The following KIRREL1 variants were observed in gnomAD, a reference collection of about 807,000 sequenced individuals.
KIRREL1 encodes kin of IRRE-like protein 1.
A neutral mutation model predicts 83.3 loss-of-function variants in KIRREL1; 25 were observed. That is an observed-to-expected ratio of 0.30 (90% CI 0.22 to 0.42). The LOEUF is 0.42. KIRREL1 is among the 10% of genes least tolerant of loss of function. The pLI, the probability that KIRREL1 is intolerant of heterozygous loss-of-function variation, is 1.00. For missense variants in KIRREL1, 812 were observed against 1,032.3 expected (o/e 0.79, Z 2.92); for synonymous variants, 388 against 410.4 (o/e 0.95, Z 0.66).
In KIRREL1 at chr1:158,051,385, A is replaced by G. The variant is rs542684974; in HGVS notation, c.53-24728A>G. Among the ~76,000 whole-genome samples the G allele has an allele frequency of 4.6e-5, 7 of 152,338 alleles. No homozygotes were observed. The East Asian group carries it at 1.2e-3, about 25-fold the overall frequency. On this transcript the variant is annotated intron_variant, in intron 1 of 14. Transcript: ENST00000359209. ...GATCAGTTATTCTTATTAGTGGTTC[A>G]TGGTCACACAATGAACACCTATAGA...
intron 1 of KIRREL1, among the ~76,000 whole-genome samples, chr1:158,024,741 G>A (rs1249874444): frequency 1.3e-5 from 2 of 152,184 alleles, no homozygotes; most frequent in Non-Finnish European, 2.9e-5. Context: ...AAAGGGGATC[G>A]TGGTGTTTTC....
Position 158,091,426 on chromosome 1 carries a change from C to T in KIRREL1, c.1341C>T (p.Asn447=), listed in dbSNP as rs755196479. The T allele has an allele frequency of 6.2e-7, 1 of 1,614,210 alleles. No individual in the cohort carries two copies. The highest frequency in any genetic ancestry group is 1.1e-5 in the South Asian group (1 of 91,080). ...TLERYTVERT[N]SGSGVLSTLT... ...AACGCTATACAGTGGAGAGGACCAACTCAGGCAGTGGGGTGCTATCCACGC... is the reference window on the plus strand; with the variant it reads ...AACGCTATACAGTGGAGAGGACCAATTCAGGCAGTGGGGTGCTATCCACGC... Residue 447 remains asparagine, a synonymous_variant, in exon 11 of 15, where the codon AAC becomes AAT. Transcript: ENST00000359209.
At chr1:158,028,617 C>T (rs1275265036) in intron 1 of KIRREL1, among the ~76,000 whole-genome samples, 4 of 152,182 alleles carry the variant, frequency 2.6e-5, no homozygotes, top group African/African-American at 4.8e-5. Flanking sequence ...TGGGATGCTT[C>T]CACATCTTAG....
At chr1:158,053,935 G>A (rs368497256) in intron 1 of KIRREL1, among the ~76,000 whole-genome samples, 20 of 152,230 alleles carry the variant, frequency 1.3e-4, no homozygotes, top group South Asian at 1.0e-3. Context: ...GGGATGGGCC[G>A]TGTGCAGTGG....
intron 1 of KIRREL1, among the ~76,000 whole-genome samples, chr1:158,057,643 C>T (rs1435307573): frequency 1.3e-5 from 2 of 152,074 alleles, no homozygotes; most frequent in Middle Eastern, 3.2e-3. Context: ...TTGGGGTCGC[C>T]CCAGGTTTCC....
In KIRREL1 at chr1:158,088,155, G is replaced by T; in HGVS notation, c.916+1G>T. Reference sequence around the variant, plus strand: ...GTCAGCACTTTAGTAAATGTCCACTGTGAGTAGCTGGGAGGGCAGGGACGG... The same window carrying T: ...GTCAGCACTTTAGTAAATGTCCACTTTGAGTAGCTGGGAGGGCAGGGACGG... On this transcript the variant is annotated splice_donor_variant, in intron 7 of 14. Coordinates refer to ENST00000359209, the MANE Select transcript of KIRREL1 (RefSeq NM_018240.7). LOFTEE classifies it high-confidence loss of function. The T allele has an allele frequency of 6.2e-7, 1 of 1,614,250 alleles. No individual in the cohort carries two copies. Among genetic ancestry groups the T allele is most frequent in the Non-Finnish European group, 8.5e-7 (1 of 1,180,052 alleles).
At chr1:158,093,271 C>A in intron 11 of KIRREL1, 68 bp from the exon 12 acceptor site, 2 of 1,346,580 alleles carry the variant, frequency 1.5e-6, no homozygotes, top group South Asian at 1.2e-5. Context: ...TAGCCTTTAG[C>A]CAGCACTGAG....
intron 10 of KIRREL1, among the ~76,000 whole-genome samples, chr1:158,090,516 AG>A (rs1421391195): frequency 6.6e-6 from 1 of 152,208 alleles, no homozygotes; most frequent in East Asian, 1.9e-4. Flanking sequence ...CCCGGGCAGC[AG>A]GCGGCTGGCC....
At chr1:158,018,534 T>C (rs1190720576) in intron 1 of KIRREL1, among the ~76,000 whole-genome samples, 2 of 152,280 alleles carry the variant, frequency 1.3e-5, no homozygotes, top group Non-Finnish European at 2.9e-5. Flanking sequence ...AAGGTTCTAA[T>C]TGGTCAGCTG....
intron 1 of KIRREL1, among the ~76,000 whole-genome samples, chr1:158,033,486 G>T (rs1660384273): frequency 6.6e-6 from 1 of 152,180 alleles, no homozygotes; most frequent in South Asian, 2.1e-4. Flanking sequence ...TTGCAGTTCT[G>T]GGCTGGATGG....
At chr1:158,027,204 G>T (rs1660198430) in intron 1 of KIRREL1, among the ~76,000 whole-genome samples, 1 of 152,180 alleles carries the variant, frequency 6.6e-6, no homozygotes, top group East Asian at 1.9e-4. Context: ...GGCTCAAAGA[G>T]GTAGGAAACA....
chr1:158,098,243 A>T lies in KIRREL1; in HGVS notation c.*3123A>T, dbSNP rs1662403336. 1 of 152,192 alleles carries T rather than the reference A, an allele frequency of 6.6e-6. No homozygotes were observed. Among genetic ancestry groups the T allele is most frequent in the Non-Finnish European group, 1.5e-5 (1 of 68,052 alleles). 9.4% of individuals were successfully genotyped at this position (152,192 alleles called of 1,614,324 possible). A position where few individuals can be genotyped will look rare whatever the true frequency, so the allele number is the denominator to read the frequency against. ...TATCGGGTCATCTGTGCTGCTCCCC[A>T]CTCATTTCTGATGGGTTTGCAAAGG... On this transcript the variant is annotated 3_prime_UTR_variant, in exon 15 of 15. Coordinates refer to ENST00000359209, the MANE Select transcript of KIRREL1 (RefSeq NM_018240.7).
At chr1:158,036,569 G>A (rs1660481492) in intron 1 of KIRREL1, among the ~76,000 whole-genome samples, 1 of 152,150 alleles carries the variant, frequency 6.6e-6, no homozygotes, top group African/African-American at 2.4e-5. Context: ...AAGGAGAGCG[G>A]CAAGGTTCAC....
At chr1:158,018,224 T>C (rs938629147) in intron 1 of KIRREL1, among the ~76,000 whole-genome samples, 3 of 151,804 alleles carry the variant, frequency 2.0e-5, no homozygotes, top group African/African-American at 7.3e-5. Flanking sequence ...TTGTCAGGAG[T>C]TAGGGTGACT....
At chr1:158,069,519 G>C (rs543072745) in intron 1 of KIRREL1, among the ~76,000 whole-genome samples, 2 of 152,286 alleles carry the variant, frequency 1.3e-5, no homozygotes, top group South Asian at 4.2e-4. Context: ...ATGGAGCAGG[G>C]AGCTGGAGAA....
intron 1 of KIRREL1, among the ~76,000 whole-genome samples, chr1:158,026,944 G>A (rs1660189582): frequency 6.6e-6 from 1 of 152,150 alleles, no homozygotes; most frequent in Non-Finnish European, 1.5e-5. Flanking sequence ...CTTCCAGCAA[G>A]CAATCAGTCT....
chr1:158,013,177 T>C (rs538297188), intron 1 of KIRREL1, among the ~76,000 whole-genome samples: 1 of 152,252 alleles, frequency 6.6e-6, no homozygotes, highest in South Asian at 2.1e-4. Context: ...CCATAAAATT[T>C]AGAGAGAGAG....
rs923995060 is a variant in KIRREL1, at chr1:158,035,204, C to T, written c.53-40909C>T. 3.9e-5 allele frequency among the ~76,000 whole-genome samples: 6 copies of T among 152,306 alleles called. No homozygotes were observed. The East Asian group carries it at 5.8e-4, about 15-fold the overall frequency. ...TTTTAAGAGATCAATTACTTACCAT[C>T]CGTCAGTTTCTTTTATCTTTTGGAA... is the stretch of plus-strand genomic sequence containing the variant. On this transcript the variant is annotated intron_variant, in intron 1 of 14. Transcript: ENST00000359209.
Position 158,094,795 on chromosome 1 carries a change from T to G in KIRREL1, c.1949T>G (p.Leu650Arg). The G allele has an allele frequency of 6.2e-7, 1 of 1,613,948 alleles. No homozygotes were observed. Among genetic ancestry groups the G allele is most frequent in the East Asian group, 2.2e-5 (1 of 44,862 alleles). Reference protein sequence around the residue: ...RLSHSSGYAQLNTYSRGPASD... With the variant: ...RLSHSSGYAQRNTYSRGPASD... Reference sequence around the variant, plus strand: ...TCCCACTCCAGCGGCTATGCCCAGCTCAACACCTATAGCCGGGGCCCTGCC... The same window carrying G: ...TCCCACTCCAGCGGCTATGCCCAGCGCAACACCTATAGCCGGGGCCCTGCC... The change falls in exon 15 of 15, where the codon CTC (leucine) becomes CGC (arginine). Residue 650 changes from leucine (L) to arginine (R), a missense_variant. By Grantham distance (102) the Leu-to-Arg change is moderately radical. Transcript: ENST00000359209. This position sits in a 1 kb window ranked among gnomAD's most constrained non-coding sequence, Gnocchi z 4.6.
Sources: gnomAD v4.1 joint callset for allele counts (sites outside exome capture counted in the v4.1 genomes callset) on GRCh38, gnomAD v4.1.1 for gene constraint, Gnocchi (gnomAD v3.1) non-coding constraint, MANE v1.5 for transcripts, NCBI Gene and HGNC (gene_info 2026-07-23, HGNC 2026-07-21) for gene names.